Variants in LUZP2 observed in about 807,000 individuals in gnomAD.
LUZP2 encodes the protein leucine zipper protein 2.
Under a neutral mutation model 51.6 loss-of-function variants are expected in LUZP2, and 52 were observed. That is an observed-to-expected ratio of 1.01 (90% CI 0.81 to 1.27). The LOEUF (loss-of-function observed/expected upper bound fraction) is 1.27, where lower values mean the gene tolerates loss of function less well. Ranked by LOEUF, LUZP2 falls within the 50% of genes most tolerant of loss-of-function variation. The probability of loss-of-function intolerance (pLI) is 0.00; values close to 1 mark genes in which losing one functional copy is unlikely to be tolerated. For missense variants in LUZP2, 436 were observed against 395.4 expected (o/e 1.10, Z -0.87); for synonymous variants, 154 against 137.3 (o/e 1.12, Z -0.85).
intron 5 of LUZP2, among the ~76,000 whole-genome samples, chr11:24,898,980 T>A (rs1247911115): frequency 1.3e-5 from 2 of 152,184 alleles, no homozygotes. Context: ...TTTAAGAGAT[T>A]GGTAGTTTTA....
intron 4 of LUZP2, among the ~76,000 whole-genome samples, chr11:24,755,499 A>C (rs1487816002): frequency 6.6e-6 from 1 of 152,316 alleles, no homozygotes; most frequent in African/African-American, 2.4e-5. Flanking sequence ...TTTAGCTATT[A>C]TAGATAAAAA....
At chr11:24,520,274 C>G (rs938663683) in intron 1 of LUZP2, among the ~76,000 whole-genome samples, 4 of 152,094 alleles carry the variant, frequency 2.6e-5, no homozygotes, top group Non-Finnish European at 5.9e-5. Flanking sequence ...CTAAAACGCA[C>G]TAGTGTATGA....
intron 7 of LUZP2, among the ~76,000 whole-genome samples, chr11:24,918,451 A>G (rs191673330): frequency 3.9e-5 from 6 of 152,154 alleles, no homozygotes; most frequent in Admixed American, 2.0e-4. Context: ...TTGCCGATTC[A>G]GTAGGTTTGC....
At chr11:24,915,980 T>C (rs912619019) in intron 7 of LUZP2, among the ~76,000 whole-genome samples, 3 of 152,040 alleles carry the variant, frequency 2.0e-5, no homozygotes, top group Admixed American at 6.6e-5. Flanking sequence ...GAATAGATTT[T>C]ATTTTATTTT....
chr11:25,074,929 A>G (rs1859257559), intron 10 of LUZP2, among the ~76,000 whole-genome samples: 1 of 152,120 alleles, frequency 6.6e-6, no homozygotes, highest in South Asian at 2.1e-4. Flanking sequence ...TTTTCCCTAA[A>G]CTTAAATGAC....
intron 5 of LUZP2, among the ~76,000 whole-genome samples, chr11:24,807,065 T>C (rs1382160838): frequency 1.4e-5 from 2 of 147,282 alleles, no homozygotes; most frequent in African/African-American, 5.0e-5. Context: ...GTCTAGATAC[T>C]TTAGACCATG....
intron 1 of LUZP2, among the ~76,000 whole-genome samples, chr11:24,526,248 C>G (rs1850797700): frequency 7.9e-6 from 1 of 126,674 alleles, no homozygotes; most frequent in South Asian, 2.8e-4. Context: ...ATTTATATAA[C>G]TCATGACACT....
chr11:24,696,313 A>C (rs748462607), intron 1 of LUZP2, among the ~76,000 whole-genome samples: 19 of 152,070 alleles, frequency 1.2e-4, no homozygotes, highest in Non-Finnish European at 2.2e-4. Flanking sequence ...GAGTCACCAG[A>C]CAAACAAAAA....
At chr11:24,801,908 C>A (rs1308749539) in intron 5 of LUZP2, among the ~76,000 whole-genome samples, 1 of 150,400 alleles carries the variant, frequency 6.6e-6, no homozygotes, top group Non-Finnish European at 1.5e-5. Context: ...GTTTAATATC[C>A]CCAATTTTTT....
intron 7 of LUZP2, among the ~76,000 whole-genome samples, chr11:24,937,769 C>A (rs568029796): frequency 6.6e-6 from 1 of 151,866 alleles, no homozygotes; most frequent in Non-Finnish European, 1.5e-5. Context: ...GGCGTGGTGG[C>A]GGGCGCCCGT....
chr11:24,876,242 A>G (rs913129584), intron 5 of LUZP2, among the ~76,000 whole-genome samples: 1 of 148,064 alleles, frequency 6.8e-6, no homozygotes, highest in Non-Finnish European at 1.5e-5. Context: ...TCTAACATTT[A>G]AGTCTTTAAT....
In LUZP2 at chr11:24,926,345, G is replaced by GTATATACATACGTGTGTA. The variant is rs1854246945; in HGVS notation, c.522+11813_522+11814insCATACGTGTGTATATATA. Among the ~76,000 whole-genome samples the GTATATACATACGTGTGTA allele has an allele frequency of 4.4e-5, 2 of 44,984 alleles. 1 individual carries two copies. The highest frequency in any genetic ancestry group is 8.0e-5 in the Non-Finnish European group (2 of 24,918). The allele number at this position is 44,984 out of a possible 152,430, so 29.5% of individuals were successfully genotyped here. A position where few individuals can be genotyped will look rare whatever the true frequency, so the allele number is the denominator to read the frequency against. ...CGTGTGTGTATATATATATACGTGT[G>GTATATACATACGTGTGTA]TATATATATACGTGTGTATATATAT... is the stretch of plus-strand genomic sequence containing the variant. On this transcript the variant is annotated intron_variant, in intron 7 of 11. Transcript: ENST00000336930.
At chr11:24,809,123 A>G (rs1271311197) in intron 5 of LUZP2, among the ~76,000 whole-genome samples, 1 of 152,160 alleles carries the variant, frequency 6.6e-6, no homozygotes, top group Non-Finnish European at 1.5e-5. Context: ...TATAATATGT[A>G]ACAAAAGAGA....
At chr11:25,021,608 G>A (rs769810030) in intron 9 of LUZP2, among the ~76,000 whole-genome samples, 6 of 151,956 alleles carry the variant, frequency 3.9e-5, no homozygotes, top group Non-Finnish European at 7.4e-5. Context: ...ACTGGGCAGG[G>A]ATAGAAAGAG....
intron 1 of LUZP2, among the ~76,000 whole-genome samples, chr11:24,620,281 T>C (rs1187737282): frequency 6.6e-6 from 1 of 152,314 alleles, no homozygotes; most frequent in Admixed American, 6.5e-5. Flanking sequence ...TAAGAATTTT[T>C]AACTCAACAA....
At chr11:24,806,110 A>G (rs1201859043) in intron 5 of LUZP2, among the ~76,000 whole-genome samples, 4 of 152,208 alleles carry the variant, frequency 2.6e-5, no homozygotes, top group Non-Finnish European at 5.9e-5. Context: ...TAGTCTATAA[A>G]AAGTATTTCA....
rs1858202490 is a variant in LUZP2 at position 24,720,032 on chromosome 11, GATA to G, written c.63-9132_63-9130del. Among the ~76,000 whole-genome samples the G allele has an allele frequency of 1.3e-5, 2 of 152,090 alleles. 1 individual carries two copies. The highest frequency in any genetic ancestry group is 4.1e-4 in the South Asian group (2 of 4,830). On this transcript the variant is annotated intron_variant, in intron 1 of 11. Coordinates refer to ENST00000336930, the MANE Select transcript of LUZP2 (RefSeq NM_001009909.4). ...ACACAGAATCATTAAGTAAATAAATGATAATAAAATAGACAAATTATTAAATAT... is the reference window on the plus strand; with the variant it reads ...ACACAGAATCATTAAGTAAATAAATGATAAAATAGACAAATTATTAAATAT...
chr11:24,802,498 TAA>T (rs1161739656), intron 5 of LUZP2, among the ~76,000 whole-genome samples: 2 of 151,980 alleles, frequency 1.3e-5, no homozygotes, highest in African/African-American at 4.8e-5. Flanking sequence ...GAAGTACACA[TAA>T]GATAAAATTT....
intron 9 of LUZP2, among the ~76,000 whole-genome samples, chr11:24,984,340 T>C (rs1481759493): frequency 6.6e-6 from 1 of 151,134 alleles, no homozygotes; most frequent in Non-Finnish European, 1.5e-5. Flanking sequence ...TCATAAATAA[T>C]AGAATGAAGT....
Sources: gnomAD v4.1 joint callset for allele counts (sites outside exome capture counted in the v4.1 genomes callset) on GRCh38, gnomAD v4.1.1 for gene constraint, MANE v1.5 for transcripts, NCBI Gene and HGNC (gene_info 2026-07-23, HGNC 2026-07-21) for gene names.